The following TTC39B variants were observed in gnomAD, a reference collection of about 807,000 sequenced individuals.
TTC39B encodes the protein tetratricopeptide repeat protein 39B.
Under a neutral mutation model 96.6 loss-of-function variants are expected in TTC39B, and 92 were observed. That is an observed-to-expected ratio of 0.95 (90% CI 0.80 to 1.13). The LOEUF (loss-of-function observed/expected upper bound fraction) is 1.13. TTC39B is among the 50% of genes most tolerant of loss of function. The pLI is 0.00. For synonymous variants in TTC39B, 367 were observed against 299.4 expected, an observed-to-expected ratio of 1.23 and a Z score of -2.33; for missense variants, 955 against 809.3, an observed-to-expected ratio of 1.18 and a Z score of -2.18.
chr9:15,216,316 T>C (rs1458091064), intron 3 of TTC39B, among the ~76,000 whole-genome samples: 1 of 151,948 alleles, frequency 6.6e-6, no homozygotes, highest in Non-Finnish European at 1.5e-5. Flanking sequence ...ATATGTTGAG[T>C]GGTAAATGGG....
At chr9:15,170,982 A>C (rs1443821874) in exon 20 of TTC39B, 3 of 152,238 alleles carry the variant, frequency 2.0e-5, no homozygotes, top group South Asian at 4.1e-4. Context: ...GTGGTGACAC[A>C]CAGGGCACAG....
intron 1 of TTC39B, among the ~76,000 whole-genome samples, chr9:15,284,195 G>A (rs571616414): frequency 6.6e-6 from 1 of 152,208 alleles, no homozygotes; most frequent in South Asian, 2.1e-4. Context: ...AAATGTGCAC[G>A]TAAAAAGTCA....
chr9:15,218,632 T>TAAAAAAAAAAAAATA (rs545882970), intron 3 of TTC39B, among the ~76,000 whole-genome samples: 18 of 105,152 alleles, frequency 1.7e-4, no homozygotes, highest in African/African-American at 6.0e-4. Context: ...TTAGTCTATT[T>TAAAAAAAAAAAAATA]TAAATATATA....
At position 15,306,536 on chromosome 9, in the gene TTC39B, G is replaced by A. The variant is rs529803070; in HGVS notation, c.240+548C>T. Among the ~76,000 whole-genome samples, 1 of 152,308 alleles carries A rather than the reference G, an allele frequency of 6.6e-6. No individual in the cohort carries two copies. Among genetic ancestry groups the A allele is most frequent in the South Asian group, 2.1e-4 (1 of 4,830 alleles). ...TCTAGCCCTCCAGCCCCAGCCCCTG[G>A]CAGCCCTGCCCTGCTGTCGCGGCAG... On this transcript the variant is annotated intron_variant, in intron 1 of 19. Coordinates refer to ENST00000512701, the Ensembl canonical transcript of TTC39B. The surrounding 1 kb of genome is among the most constrained non-coding windows in gnomAD (Gnocchi z 5.1).
At chr9:15,227,436 G>C (rs1294663665) in intron 2 of TTC39B, among the ~76,000 whole-genome samples, 1 of 151,902 alleles carries the variant, frequency 6.6e-6, no homozygotes, top group African/African-American at 2.4e-5. Flanking sequence ...TTTTATCTTG[G>C]ATATATCAAG....
chr9:15,211,694 A>G (rs1820210739), intron 4 of TTC39B, among the ~76,000 whole-genome samples: 1 of 152,214 alleles, frequency 6.6e-6, no homozygotes, highest in Non-Finnish European at 1.5e-5. Flanking sequence ...TTTTCTGTTG[A>G]AAAAGGGGCA....
At chr9:15,266,161 C>T (rs868124193) in intron 2 of TTC39B, among the ~76,000 whole-genome samples, 1 of 151,938 alleles carries the variant, frequency 6.6e-6, no homozygotes, top group Admixed American at 6.6e-5. Flanking sequence ...GTGGGGTACA[C>T]AGGAATACTC....
At chr9:15,285,564 G>T (rs926267704) in intron 1 of TTC39B, among the ~76,000 whole-genome samples, 2 of 152,150 alleles carry the variant, frequency 1.3e-5, no homozygotes, top group African/African-American at 4.8e-5. Flanking sequence ...ATTTTTAAAA[G>T]AATATACAGG....
chr9:15,192,533 C>G (rs556451505), intron 9 of TTC39B, 57 bp downstream of exon 9: 2 of 1,388,216 alleles, frequency 1.4e-6, no homozygotes, highest in East Asian at 2.3e-5. Context: ...GGAGAAGGCA[C>G]AGAAAACCTT....
chr9:15,173,889 A>G (rs990247148), intron 19 of TTC39B, among the ~76,000 whole-genome samples: 6 of 152,120 alleles, frequency 3.9e-5, no homozygotes, highest in Admixed American at 1.3e-4. Flanking sequence ...TCTCTCCCCA[A>G]ATACATTCTT....
intron 2 of TTC39B, among the ~76,000 whole-genome samples, chr9:15,260,430 A>G (rs759338725): frequency 6.6e-6 from 1 of 150,562 alleles, no homozygotes; most frequent in Admixed American, 6.6e-5. Context: ...TATTACCTAC[A>G]GGGGAAAATT....
chr9:15,189,491 T>C (rs981949023), intron 13 of TTC39B, 83 bp downstream of exon 13: 4 of 1,460,916 alleles, frequency 2.7e-6, no homozygotes, highest in Non-Finnish European at 3.8e-6. Flanking sequence ...AGTTTACTTT[T>C]GTTGAATAAG....
intron 18 of TTC39B, 123 bp from the exon 19 acceptor site, chr9:15,175,258 G>A (rs1015640142): frequency 1.5e-6 from 1 of 658,808 alleles, no homozygotes; most frequent in African/African-American, 1.8e-5. Flanking sequence ...TCATAGAAAG[G>A]CGGCCATTGT....
chr9:15,267,839 T>A lies in TTC39B; in HGVS notation c.275+75A>T, dbSNP rs1823192603. 3.6e-6 allele frequency: 5 copies of A among 1,373,672 alleles called. No homozygotes were observed. The East Asian group carries it at 1.1e-4, about 32-fold the overall frequency. 85.1% of individuals were successfully genotyped at this position (1,373,672 alleles called of 1,614,324 possible). A position where few individuals can be genotyped will look rare whatever the true frequency, so the allele number is the denominator to read the frequency against. On this transcript the variant is annotated intron_variant, in intron 2 of 19. Coordinates refer to ENST00000512701, the Ensembl canonical transcript of TTC39B. ...TGCCGTACTCTCCAAAAAATGAGAA[T>A]GAAATATTTACTTTTTATGTAAGAC...
At chr9:15,187,202 T>G (rs1232126265) in intron 14 of TTC39B, among the ~76,000 whole-genome samples, 167 bp from the exon 15 acceptor site, 1 of 152,210 alleles carries the variant, frequency 6.6e-6, no homozygotes, top group Admixed American at 6.5e-5. Context: ...AACAACTCTT[T>G]TCAATTACCC....
At chr9:15,272,626 A>T (rs1823398108) in intron 1 of TTC39B, among the ~76,000 whole-genome samples, 1 of 152,098 alleles carries the variant, frequency 6.6e-6, no homozygotes, top group African/African-American at 2.4e-5. Context: ...CTCCCAAATA[A>T]TACACTGCCT....
At chr9:15,257,069 C>T (rs1057004924) in intron 2 of TTC39B, among the ~76,000 whole-genome samples, 5 of 152,038 alleles carry the variant, frequency 3.3e-5, no homozygotes, top group East Asian at 1.9e-4. Context: ...AGTTACTGGA[C>T]GGATATTATT....
intron 1 of TTC39B, among the ~76,000 whole-genome samples, chr9:15,305,821 CCTAAT>C (rs1170072897): frequency 6.6e-6 from 1 of 151,596 alleles, no homozygotes; most frequent in African/African-American, 2.4e-5. Context: ...TCAACAATGC[CCTAAT>C]CTAGAGAATT....
chr9:15,266,500 G>C (rs1180068609), intron 2 of TTC39B, among the ~76,000 whole-genome samples: 1 of 152,030 alleles, frequency 6.6e-6, no homozygotes, highest in Non-Finnish European at 1.5e-5. Flanking sequence ...TACTAAAGTA[G>C]GTATCATTTA....
Sources: gnomAD v4.1 joint callset for allele counts (sites outside exome capture counted in the v4.1 genomes callset) on GRCh38, gnomAD v4.1.1 for gene constraint, Gnocchi (gnomAD v3.1) non-coding constraint, MANE v1.5 for transcripts, NCBI Gene and HGNC (gene_info 2026-07-23, HGNC 2026-07-21) for gene names.